KBTBD4: variants seen among roughly 807,000 people sequenced by gnomAD.
KBTBD4 encodes the protein kelch repeat and BTB domain-containing protein 4.
Under a neutral mutation model 43.9 loss-of-function variants are expected in KBTBD4, and 30 were observed. The observed-to-expected ratio is 0.68, with a 90% confidence interval of 0.51 to 0.93. The LOEUF (loss-of-function observed/expected upper bound fraction) is 0.93, where lower values mean the gene tolerates loss of function less well. KBTBD4 is among the 40% of genes least tolerant of loss of function. The pLI is 0.00. For synonymous variants in KBTBD4, 258 were observed against 256.9 expected, an observed-to-expected ratio of 1.00 and a Z score of -0.04; for missense variants, 575 against 668.8, an observed-to-expected ratio of 0.86 and a Z score of 1.55.
intron 2 of KBTBD4, among the ~76,000 whole-genome samples, chr11:47,576,774 C>T (rs2097260441): frequency 6.6e-6 from 1 of 150,678 alleles, no homozygotes; most frequent in African/African-American, 2.4e-5. Context: ...CCTCCGGGTT[C>T]AAGTGATTCT....
At position 47,575,612 on chromosome 11, in the gene KBTBD4, G is replaced by A. The variant is rs144200484; in HGVS notation, c.725C>T (p.Ser242Leu). The A allele has an allele frequency of 1.2e-6, 2 of 1,611,152 alleles. No homozygotes were observed. The highest frequency in any genetic ancestry group is 1.7e-5 in the Admixed American group (1 of 59,958). Reference sequence around the variant, plus strand: ...CCTTACCTTCAAGCTTGTCCTGAGTGACTCTGCAAAAGCCTCTCTTTCCTC... The same window carrying A: ...CCTTACCTTCAAGCTTGTCCTGAGTAACTCTGCAAAAGCCTCTCTTTCCTC... The part of the protein sequence containing the change: ...NKEEREAFAE[S>L]LRTSLKEIGE... Residue 242 changes from serine (S) to leucine (L), a missense_variant, in exon 3 of 4, where the codon TCA (serine) becomes TTA (leucine). Physicochemically the swap from Ser to Leu is moderately radical, Grantham distance 145 (BLOSUM62 -2). Transcript: ENST00000430070.
chr11:47,573,248 C>T lies in KBTBD4; in HGVS notation c.1287G>A (p.Lys429=). ...FDTETDKCHV[K]PYVLPFAGRM... is the part of the protein sequence containing the mutation. ...GGCCTGCAAAGGGCAGCACATAGGG[C>T]TTCACATGGCATTTGTCTGTCTCTG... Residue 429 remains lysine, a synonymous_variant, in exon 4 of 4, where the codon AAG becomes AAA. Coordinates refer to ENST00000430070, the MANE Select transcript of KBTBD4 (RefSeq NM_018095.6). This position sits in a 1 kb window ranked among gnomAD's most constrained non-coding sequence, Gnocchi z 4.1. 6.2e-7 allele frequency: 1 copy of T among 1,614,152 alleles called. No individual in the cohort carries two copies. The highest frequency in any genetic ancestry group is 8.5e-7 in the Non-Finnish European group (1 of 1,180,028).
Position 47,573,890 on chromosome 11 carries a change from A to G in KBTBD4, c.745-100T>C. 9.1e-7 allele frequency: 1 copy of G among 1,099,468 alleles called. No homozygotes were observed. The highest frequency in any genetic ancestry group is 1.3e-6 in the Non-Finnish European group (1 of 767,784). 68.1% of individuals were successfully genotyped at this position (1,099,468 alleles called of 1,614,324 possible). On this transcript the variant is annotated intron_variant, in intron 3 of 3. Coordinates refer to ENST00000430070, the MANE Select transcript of KBTBD4 (RefSeq NM_018095.6). This position sits in a 1 kb window ranked among gnomAD's most constrained non-coding sequence, Gnocchi z 4.1. ...GATCCTGGCCCTCACACTTGTTCCTAGCTTTATCATACTACTCTCTAATTA... is the reference window on the plus strand; with the variant it reads ...GATCCTGGCCCTCACACTTGTTCCTGGCTTTATCATACTACTCTCTAATTA...
rs1419263819 is a variant in KBTBD4 at position 47,576,256 on chromosome 11, TC to T, written c.638-558del. On this transcript the variant is annotated intron_variant, in intron 2 of 3. Coordinates refer to ENST00000430070, the MANE Select transcript of KBTBD4 (RefSeq NM_018095.6). ...ATCTCGGCTCACTGCAAGCTCCACC[TC>T]CCGGGTTCACGCCATTCTCCTGCCT... 2.4e-5 allele frequency among the ~76,000 whole-genome samples: 3 copies of T among 126,796 alleles called. No individual in the cohort carries two copies. In the South Asian group the frequency reaches 8.4e-4, roughly 35 times the overall value. 83.2% of individuals were successfully genotyped at this position (126,796 alleles called of 152,430 possible). A position where few individuals can be genotyped will look rare whatever the true frequency, so the allele number is the denominator to read the frequency against.
intron 1 of KBTBD4, chr11:47,578,645 A>C: frequency 6.2e-6 from 5 of 806,184 alleles, no homozygotes; most frequent in Non-Finnish European, 1.0e-5. Flanking sequence ...AGGCCGGGGC[A>C]CTGGGAGGCC....
chr11:47,578,672 G>A, intron 1 of KBTBD4: 1 of 1,006,948 alleles, frequency 9.9e-7, no homozygotes, highest in South Asian at 1.4e-5. Flanking sequence ...CCTGTGCAAT[G>A]TCCCCGCTCC....
At position 47,573,378 on chromosome 11, in the gene KBTBD4, C is replaced by T; in HGVS notation, c.1157G>A (p.Gly386Glu). The T allele has an allele frequency of 6.2e-7, 1 of 1,614,206 alleles. No homozygotes were observed. Among genetic ancestry groups the T allele is most frequent in the Non-Finnish European group, 8.5e-7 (1 of 1,180,044 alleles). ...CCCGTTGAGGTTGGCACCAGCAGCC[C>T]CTGACACAGCCACCTCTAGCTGAGT... ...ETTQLEVAVS[G>E]AAGANLNGII... The change falls in exon 4 of 4, where the codon GGG (glycine) becomes GAG (glutamate). Residue 386 changes from glycine to glutamate, a missense_variant. Gly to Glu is a moderately conservative substitution (Grantham distance 98). Transcript: ENST00000430070. The surrounding 1 kb of genome is among the most constrained non-coding windows in gnomAD (Gnocchi z 4.1).
At chr11:47,578,641 G>C (rs2097265025) in intron 1 of KBTBD4, 1 of 791,628 alleles carries the variant, frequency 1.3e-6, no homozygotes, top group Non-Finnish European at 2.1e-6. Flanking sequence ...CCCCAGGCCG[G>C]GGCACTGGGA....
chr11:47,573,331 C>T lies in KBTBD4; in HGVS notation c.1204G>A (p.Glu402Lys), dbSNP rs777150629. The change falls in exon 4 of 4, where the codon GAG (glutamate) becomes AAG (lysine). Residue 402 changes from glutamate (E) to lysine (K), a missense_variant. By Grantham distance (56) the Glu-to-Lys change is moderately conservative. Transcript: ENST00000430070. The surrounding 1 kb of genome is among the most constrained non-coding windows in gnomAD (Gnocchi z 4.1). ...GTAAAGAAGTCCAGATCATTCTCCT[C>T]CCCCCCTAGTAAGTAGATGATCCCG... ...LNGIIYLLGGEENDLDFFTKP... is the reference protein window; with the variant it reads ...LNGIIYLLGGKENDLDFFTKP... The T allele has an allele frequency of 2.5e-6, 4 of 1,614,046 alleles. No individual in the cohort carries two copies. The highest frequency in any genetic ancestry group is 3.4e-6 in the Non-Finnish European group (4 of 1,179,940).
rs1033051502 is a variant in KBTBD4 at position 47,578,766 on chromosome 11, G to A, written c.19+167C>T. 3 of 1,505,294 alleles carry A rather than the reference G, an allele frequency of 2.0e-6. No homozygotes were observed. The Admixed American group carries it at 6.4e-5, about 32-fold the overall frequency. The allele number at this position is 1,505,294 out of a possible 1,614,324, so 93.2% of individuals were successfully genotyped here. A position where few individuals can be genotyped will look rare whatever the true frequency, so the allele number is the denominator to read the frequency against. On this transcript the variant is annotated intron_variant, in intron 1 of 3. Coordinates refer to ENST00000430070, the MANE Select transcript of KBTBD4 (RefSeq NM_018095.6). ...CCGCCCTCGTCAAAAGCTTGGCTCAGAGAGCGGGGGAGGGGTGTGTAGCGT... is the reference window on the plus strand; with the variant it reads ...CCGCCCTCGTCAAAAGCTTGGCTCAAAGAGCGGGGGAGGGGTGTGTAGCGT...
intron 2 of KBTBD4, among the ~76,000 whole-genome samples, chr11:47,576,998 C>G (rs1185736748): frequency 6.6e-6 from 1 of 152,122 alleles, no homozygotes; most frequent in Non-Finnish European, 1.5e-5. Flanking sequence ...TTAAGTATGG[C>G]TATATCTCAC....
chr11:47,576,131 A>C (rs1240948153), intron 2 of KBTBD4, among the ~76,000 whole-genome samples: 1 of 132,880 alleles, frequency 7.5e-6, no homozygotes, highest in Non-Finnish European at 1.6e-5. Flanking sequence ...GATTACAGGC[A>C]TGAGCCACCA....
intron 2 of KBTBD4, among the ~76,000 whole-genome samples, 196 bp from the exon 3 acceptor site, chr11:47,575,895 C>T (rs1217994863): frequency 2.8e-5 from 4 of 141,338 alleles, no homozygotes; most frequent in South Asian, 2.2e-4. Context: ...CTCACCCTGT[C>T]GCTCAGGCAG....
At chr11:47,575,861 T>TC (rs1342152843) in intron 2 of KBTBD4, among the ~76,000 whole-genome samples, 162 bp from the exon 3 acceptor site, 10 of 148,606 alleles carry the variant, frequency 6.7e-5, no homozygotes, top group Non-Finnish European at 1.5e-5. Flanking sequence ...TAAAATTGCT[T>TC]TTTTTTTTTT....
In KBTBD4 at chr11:47,573,724, C is replaced by T; in HGVS notation, c.811G>A (p.Val271Met). The change falls in exon 4 of 4, where the codon GTG becomes ATG. Residue 271 changes from valine (V) to methionine (M), a missense_variant. Physicochemically the swap from Val to Met is conservative, Grantham distance 21 (BLOSUM62 1). Coordinates refer to ENST00000430070, the MANE Select transcript of KBTBD4 (RefSeq NM_018095.6). This position sits in a 1 kb window ranked among gnomAD's most constrained non-coding sequence, Gnocchi z 4.1. ...KESSRTHSLA[V>M]SLHCAEDDSI... ...TCATCTTCTGCACAGTGCAAGGACA[C>T]AGCCAACGAGTGGGTACGAGATGAC... The T allele has an allele frequency of 6.3e-7, 1 of 1,599,974 alleles. No homozygotes were observed.
chr11:47,573,880 A>G lies in KBTBD4; in HGVS notation c.745-90T>C. On this transcript the variant is annotated intron_variant, in intron 3 of 3. Transcript: ENST00000430070. The surrounding 1 kb of genome is among the most constrained non-coding windows in gnomAD (Gnocchi z 4.1). ...ATATCCTTAAGATCCTGGCCCTCAC[A>G]CTTGTTCCTAGCTTTATCATACTAC... is the stretch of plus-strand genomic sequence containing the variant. 1 of 1,190,572 alleles carries G rather than the reference A, an allele frequency of 8.4e-7. No individual in the cohort carries two copies. Among genetic ancestry groups the G allele is most frequent in the Non-Finnish European group, 1.2e-6 (1 of 847,922 alleles). 73.8% of individuals were successfully genotyped at this position (1,190,572 alleles called of 1,614,324 possible).
chr11:47,578,012 C>T lies in KBTBD4; in HGVS notation c.36G>A (p.Glu12=), dbSNP rs763280314. The change falls in exon 2 of 4, where the codon GAG becomes GAA. Residue 12 remains glutamate, a synonymous_variant. Coordinates refer to ENST00000430070, the MANE Select transcript of KBTBD4 (RefSeq NM_018095.6). ...CTGGTGATTCCATGCTAGCCAACTTCTCTCTCTGCCAGCTGTCTGCAAAGC... is the reference window on the plus strand; with the variant it reads ...CTGGTGATTCCATGCTAGCCAACTTTTCTCTCTGCCAGCTGTCTGCAAAGC... The part of the protein sequence containing the change: ...KGGNADSWQR[E]KLASMESPEE... The T allele has an allele frequency of 1.9e-6, 3 of 1,614,180 alleles. No homozygotes were observed. Among genetic ancestry groups the T allele is most frequent in the East Asian group, 2.2e-5 (1 of 44,888 alleles).
In KBTBD4 at chr11:47,572,394, T is replaced by A. The variant is rs2097250579; in HGVS notation, c.*536A>T. On this transcript the variant is annotated 3_prime_UTR_variant, in exon 4 of 4. Coordinates refer to ENST00000430070, the MANE Select transcript of KBTBD4 (RefSeq NM_018095.6). ...AAAGTTACATTTCCTGACAGATGGA[T>A]AAGAAAACAATAGAAGGAACATCCT... 6.5e-6 allele frequency: 1 copy of A among 153,298 alleles called. No homozygotes were observed. Among genetic ancestry groups the A allele is most frequent in the Non-Finnish European group, 1.5e-5 (1 of 68,544 alleles). The allele number at this position is 153,298 out of a possible 1,614,324, so 9.5% of individuals were successfully genotyped here.
chr11:47,576,149 C>T (rs1228213775), intron 2 of KBTBD4, among the ~76,000 whole-genome samples: 10 of 123,996 alleles, frequency 8.1e-5, no homozygotes, highest in African/African-American at 2.7e-4. Context: ...CCATGCCTGG[C>T]GGGTCTTGCT....
Sources: allele counts gnomAD v4.1 joint callset (sites outside exome capture counted in the v4.1 genomes callset), GRCh38; gene constraint gnomAD v4.1.1; non-coding constraint Gnocchi (gnomAD v3.1); transcripts MANE v1.5; gene names NCBI Gene and HGNC (gene_info 2026-07-23, HGNC 2026-07-21).